RAD52: variants seen among roughly 807,000 people sequenced by gnomAD.
RAD52 encodes the protein RAD52 DNA repair protein, also known as DNA repair protein RAD52 homolog.
Under a neutral mutation model 55.5 loss-of-function variants are expected in RAD52, and 47 were observed. The observed-to-expected ratio is 0.85, with a 90% CI of 0.67 to 1.08. The LOEUF is 1.08. RAD52 is among the 50% of genes least tolerant of loss of function. The probability of loss-of-function intolerance (pLI) is 0.00; values close to 1 mark genes in which losing one functional copy is unlikely to be tolerated. For synonymous variants in RAD52, 184 were observed against 198.9 expected (o/e 0.92, Z 0.63); for missense variants, 468 against 522.8 (o/e 0.90, Z 1.02).
Position 927,164 on chromosome 12 carries a change from C to A in RAD52, c.448G>T (p.Gly150Trp). ...GCTCACCTGAGGGCTCGCTTCAGCCCGTCTGTCACCGCCTCCTTCCTTGCC... is the reference window on the plus strand; with the variant it reads ...GCTCACCTGAGGGCTCGCTTCAGCCAGTCTGTCACCGCCTCCTTCCTTGCC... ...EKARKEAVTDGLKRALRSFGN... is the reference protein window; with the variant it reads ...EKARKEAVTDWLKRALRSFGN... Residue 150 changes from glycine (G) to tryptophan (W), a missense_variant, in exon 6 of 12, where the codon GGG becomes TGG. Physicochemically the swap from Gly to Trp is radical, Grantham distance 184. Coordinates refer to ENST00000358495, the MANE Select transcript of RAD52 (RefSeq NM_134424.4). 1 of 1,614,070 alleles carries A rather than the reference C, an allele frequency of 6.2e-7. No individual in the cohort carries two copies. The highest frequency in any genetic ancestry group is 1.3e-5 in the African/African-American group (1 of 75,048).
At chr12:949,260 A>AT (rs1318423603) in intron 1 of RAD52, 1 of 152,160 alleles carries the variant, frequency 6.6e-6, no homozygotes, top group Non-Finnish European at 1.5e-5. Context: ...TCGTTTAGCT[A>AT]TTAACACAAA....
chr12:949,124 C>T (rs1175516128), intron 1 of RAD52, among the ~76,000 whole-genome samples: 1 of 152,072 alleles, frequency 6.6e-6, no homozygotes, highest in Non-Finnish European at 1.5e-5. Flanking sequence ...GGTACGGGTG[C>T]GATCTCGGCT....
intron 9 of RAD52, among the ~76,000 whole-genome samples, chr12:915,267 C>T (rs754280419): frequency 7.2e-5 from 11 of 152,222 alleles, no homozygotes; most frequent in Non-Finnish European, 1.6e-4. Flanking sequence ...TACCCGGGAG[C>T]TTCTGCAATG....
chr12:914,185 G>A lies in RAD52; in HGVS notation c.968-64C>T, dbSNP rs1444151426. The A allele has an allele frequency of 1.6e-5, 24 of 1,479,224 alleles. No individual in the cohort carries two copies. The East Asian group carries it at 5.3e-4, about 33-fold the overall frequency. The allele number at this position is 1,479,224 out of a possible 1,614,324, so 91.6% of individuals were successfully genotyped here. A position where few individuals can be genotyped will look rare whatever the true frequency, so the allele number is the denominator to read the frequency against. On this transcript the variant is annotated intron_variant, in intron 10 of 11. Transcript: ENST00000358495. ...TGAAGTATTCTCACAGAAAGCACTG[G>A]AAAAACTGGCCCTCAGAAATTCCAT...
rs546990815 is a variant in RAD52, at chr12:916,523, A to G, written c.726-40T>C. On this transcript the variant is annotated intron_variant, in intron 8 of 11. Transcript: ENST00000358495. ...GGCGGCGAGGACGGGCTCCTGAGCAACAGCCGCGGCTGCTGGGAGGACACG... is the reference window on the plus strand; with the variant it reads ...GGCGGCGAGGACGGGCTCCTGAGCAGCAGCCGCGGCTGCTGGGAGGACACG... 3.1e-6 allele frequency: 5 copies of G among 1,605,708 alleles called. No individual in the cohort carries two copies. The East Asian group carries it at 1.1e-4, about 36-fold the overall frequency.
chr12:988,763 C>A (rs1457431623), intron 1 of RAD52, among the ~76,000 whole-genome samples: 4 of 152,174 alleles, frequency 2.6e-5, no homozygotes, highest in Non-Finnish European at 1.5e-5. Context: ...TGATAACCAA[C>A]ATAGTTTCGC....
At chr12:954,369 C>T (rs1451399649), upstream of RAD52, among the ~76,000 whole-genome samples, 2 of 152,190 alleles carry the variant, frequency 1.3e-5, no homozygotes, top group African/African-American at 4.8e-5. Flanking sequence ...CGGTGGCTCA[C>T]GCCTGTAATC....
intron 1 of RAD52, among the ~76,000 whole-genome samples, chr12:985,729 G>A (rs1362175631): frequency 6.6e-6 from 1 of 151,850 alleles, no homozygotes; most frequent in African/African-American, 2.4e-5. Flanking sequence ...TGCAACCTCC[G>A]GCTCCCAGGT....
chr12:939,000 T>C (rs1006887713), intron 1 of RAD52, among the ~76,000 whole-genome samples: 1 of 151,814 alleles, frequency 6.6e-6, no homozygotes, highest in Non-Finnish European at 1.5e-5. Flanking sequence ...TGATGCAATA[T>C]TGGAGTAAAG....
intron 1 of RAD52, among the ~76,000 whole-genome samples, chr12:980,368 AC>A (rs1214106857): frequency 1.4e-5 from 2 of 142,526 alleles, no homozygotes; most frequent in East Asian, 4.2e-4. Context: ...ATCTTGGCCC[AC>A]TGCAACCTCT....
At chr12:923,672 TG>T (rs968672534) in intron 7 of RAD52, among the ~76,000 whole-genome samples, 5 of 152,052 alleles carry the variant, frequency 3.3e-5, no homozygotes, top group Non-Finnish European at 5.9e-5. Flanking sequence ...GTCTTAGTTC[TG>T]CAGATCAATT....
intron 7 of RAD52, 53 bp from the exon 8 acceptor site, chr12:916,873 G>GC (rs1956419570): frequency 6.4e-7 from 1 of 1,563,254 alleles, no homozygotes; most frequent in African/African-American, 1.4e-5. Context: ...GCCCTCCGCT[G>GC]CTTCTCCCTG....
At chr12:958,841 T>A (rs184452142) in intron 1 of RAD52, among the ~76,000 whole-genome samples, 18 of 151,940 alleles carry the variant, frequency 1.2e-4, no homozygotes, top group Non-Finnish European at 2.2e-4. Context: ...CTTGAGGAGG[T>A]TGGGGGCATT....
chr12:913,065 G>T lies in RAD52; in HGVS notation c.*326C>A, dbSNP rs1956181411. ...CCAAGTCTGGCCTATATTGCTTGAG[G>T]GCAAGGAGCCATTGGTGATTCCTAA... On this transcript the variant is annotated 3_prime_UTR_variant, in exon 12 of 12. Coordinates refer to ENST00000358495, the MANE Select transcript of RAD52 (RefSeq NM_134424.4). 1 of 91,334 alleles carries T rather than the reference G, an allele frequency of 1.1e-5. No individual in the cohort carries two copies. The highest frequency in any genetic ancestry group is 5.1e-5 in the African/African-American group (1 of 19,580). 5.7% of individuals were successfully genotyped at this position (91,334 alleles called of 1,614,324 possible).
At chr12:951,443 A>G (rs1383894516), upstream of RAD52, among the ~76,000 whole-genome samples, 4 of 152,048 alleles carry the variant, frequency 2.6e-5, no homozygotes, top group Non-Finnish European at 5.9e-5. Flanking sequence ...GTGTGATCTG[A>G]TTTTGCTATG....
rs924529668 is a variant in RAD52 at position 911,956 on chromosome 12, G to A, written c.*1435C>T. On this transcript the variant is annotated 3_prime_UTR_variant, in exon 12 of 12. Transcript: ENST00000358495. ...GAGAATTGCTTGAATCCTGGCAGGC[G>A]GAGGCTGCAATGAGTCAAGATGGCA... is the stretch of plus-strand genomic sequence containing the variant. The A allele has an allele frequency of 6.8e-5, 13 of 190,998 alleles. No homozygotes were observed. Among genetic ancestry groups the A allele is most frequent in the African/African-American group, 2.6e-4 (11 of 43,054 alleles). The allele number at this position is 190,998 out of a possible 1,614,324, so 11.8% of individuals were successfully genotyped here. A position where few individuals can be genotyped will look rare whatever the true frequency, so the allele number is the denominator to read the frequency against.
intron 2 of RAD52, among the ~76,000 whole-genome samples, chr12:932,146 A>G (rs1957354869): frequency 6.6e-6 from 1 of 152,198 alleles, no homozygotes; most frequent in South Asian, 2.1e-4. Context: ...TCACGAGGTC[A>G]GGAGTTCAAG....
chr12:956,695 C>T (rs1467252762), intron 1 of RAD52, among the ~76,000 whole-genome samples: 7 of 152,052 alleles, frequency 4.6e-5, no homozygotes, highest in Non-Finnish European at 8.8e-5. Flanking sequence ...TATAGGCACC[C>T]GCCACCACAC....
chr12:932,820 C>T (rs200633668), intron 2 of RAD52, among the ~76,000 whole-genome samples, 155 bp downstream of exon 2: 1 of 86,106 alleles, frequency 1.2e-5, no homozygotes, highest in Admixed American at 1.1e-4. Context: ...TGCTCACACA[C>T]GTACTAGGTA....
Sources: allele counts gnomAD v4.1 joint callset (sites outside exome capture counted in the v4.1 genomes callset), GRCh38; gene constraint gnomAD v4.1.1; transcripts MANE v1.5; gene names NCBI Gene and HGNC (gene_info 2026-07-23, HGNC 2026-07-21).